Variants in NAPEPLD observed in about 807,000 individuals in gnomAD.
NAPEPLD encodes N-acyl-phosphatidylethanolamine-hydrolyzing phospholipase D.
Under a neutral mutation model 38.1 loss-of-function variants are expected in NAPEPLD, and 23 were observed. The observed-to-expected ratio is 0.60, with a 90% CI of 0.43 to 0.86. The LOEUF (loss-of-function observed/expected upper bound fraction) is 0.86, where lower values mean the gene tolerates loss of function less well. Ranked by LOEUF, NAPEPLD falls within the 40% of genes least tolerant of loss-of-function variation. NAPEPLD has a pLI of 0.00. For missense variants in NAPEPLD, 411 were observed against 476.8 expected, an observed-to-expected ratio of 0.86 and a Z score of 1.28; for synonymous variants, 147 against 162.0, an observed-to-expected ratio of 0.91 and a Z score of 0.71.
chr7:103,119,865 C>T lies in NAPEPLD; in HGVS notation c.653G>A (p.Trp218Ter). ...ATTCTCACAGCCACATTTTTGCATC[C>T]AGTCAAGGAGACCCAAAGGCACAAA... ...RWFVPLGLLD[W>*]MQKCGCENVI... The change falls in exon 3 of 5, where the codon TGG becomes TAG. Residue 218 changes from tryptophan (W) to a stop codon, truncating the protein, a stop_gained. Transcript: ENST00000465647. LOFTEE classifies it high-confidence loss of function. The T allele has an allele frequency of 6.2e-7, 1 of 1,614,154 alleles. No homozygotes were observed. Among genetic ancestry groups the T allele is most frequent in the South Asian group, 1.1e-5 (1 of 91,078 alleles).
At chr7:103,113,601 C>CT (rs1804963315) in intron 4 of NAPEPLD, among the ~76,000 whole-genome samples, 6 of 126,488 alleles carry the variant, frequency 4.7e-5, no homozygotes, top group African/African-American at 8.6e-5. Flanking sequence ...CAGAGTCTCA[C>CT]TTTTTTTTTT....
chr7:103,131,912 G>A (rs562181857), intron 1 of NAPEPLD, among the ~76,000 whole-genome samples: 21 of 151,988 alleles, frequency 1.4e-4, no homozygotes, highest in Non-Finnish European at 2.1e-4. Flanking sequence ...TCAGGAGTTC[G>A]AGACTAGCCT....
At chr7:103,104,927 A>G (rs1366959099) in intron 4 of NAPEPLD, among the ~76,000 whole-genome samples, 3 of 152,172 alleles carry the variant, frequency 2.0e-5, no homozygotes, top group Non-Finnish European at 4.4e-5. Flanking sequence ...GTACACACTC[A>G]CAGAATCACC....
intron 1 of NAPEPLD, among the ~76,000 whole-genome samples, chr7:103,133,686 A>G (rs1473832610): frequency 6.6e-6 from 1 of 152,206 alleles, no homozygotes; most frequent in Non-Finnish European, 1.5e-5. Flanking sequence ...ACCCCTTAAC[A>G]TATCTAGCTA....
chr7:103,111,619 T>C (rs1585833986), intron 4 of NAPEPLD, among the ~76,000 whole-genome samples: 1 of 152,178 alleles, frequency 6.6e-6, no homozygotes, highest in African/African-American at 2.4e-5. Context: ...TCAAGATGGA[T>C]TAAAGACTTA....
intron 1 of NAPEPLD, among the ~76,000 whole-genome samples, chr7:103,143,445 A>T (rs1200352166): frequency 6.6e-6 from 1 of 152,128 alleles, no homozygotes; most frequent in Non-Finnish European, 1.5e-5. Flanking sequence ...TAGGGTAACT[A>T]TGCATCAGCT....
chr7:103,133,244 C>T lies in NAPEPLD; in HGVS notation c.-16-4452G>A, dbSNP rs538733224. 3.9e-5 allele frequency among the ~76,000 whole-genome samples: 6 copies of T among 152,242 alleles called. 1 individual carries two copies. The South Asian group carries it at 1.0e-3, about 26-fold the overall frequency. On this transcript the variant is annotated intron_variant, in intron 1 of 4. Coordinates refer to ENST00000465647, the MANE Select transcript of NAPEPLD (RefSeq NM_001122838.3). ...CCCACTTCAGGGCGACCAACTGCCA[C>T]GTTGTCATATCCTTGGGGTATGGGG...
At chr7:103,130,747 C>T (rs1260962906) in intron 1 of NAPEPLD, among the ~76,000 whole-genome samples, 1 of 152,120 alleles carries the variant, frequency 6.6e-6, no homozygotes, top group Admixed American at 6.5e-5. Context: ...AGGTGTGTGC[C>T]ACCATGCCTG....
intron 1 of NAPEPLD, chr7:103,148,144 T>A: frequency 1.0e-6 from 1 of 958,452 alleles, no homozygotes; most frequent in Non-Finnish European, 1.2e-6. Flanking sequence ...TTCCATTTTT[T>A]AACAAACATG....
At chr7:103,113,986 C>A (rs1486087666) in intron 4 of NAPEPLD, among the ~76,000 whole-genome samples, 1 of 150,884 alleles carries the variant, frequency 6.6e-6, no homozygotes, top group East Asian at 2.0e-4. Context: ...GCAACCTCTA[C>A]TTCCTGGGTT....
chr7:103,141,816 G>A (rs999331456), intron 1 of NAPEPLD: 14 of 915,438 alleles, frequency 1.5e-5, no homozygotes, highest in Middle Eastern at 2.1e-4. Flanking sequence ...ATCAGCTTCC[G>A]GATCTGCTGA....
chr7:103,119,041 G>A (rs187573517), intron 3 of NAPEPLD, among the ~76,000 whole-genome samples: 1 of 152,336 alleles, frequency 6.6e-6, no homozygotes, highest in East Asian at 1.9e-4. Flanking sequence ...GGGCACTCAA[G>A]TTATGGAGCA....
chr7:103,129,375 A>C (rs1808475376), intron 1 of NAPEPLD: 2 of 959,344 alleles, frequency 2.1e-6, no homozygotes, highest in African/African-American at 3.5e-5. Context: ...AAGCATATTA[A>C]ATTTTCCATT....
chr7:103,115,669 C>A (rs569425482), intron 3 of NAPEPLD, among the ~76,000 whole-genome samples: 1 of 152,122 alleles, frequency 6.6e-6, no homozygotes, highest in Non-Finnish European at 1.5e-5. Context: ...TATAATTCAA[C>A]GGCAAGCCAG....
intron 4 of NAPEPLD, among the ~76,000 whole-genome samples, chr7:103,110,778 G>C (rs1465694155): frequency 6.6e-6 from 1 of 152,138 alleles, no homozygotes; most frequent in Non-Finnish European, 1.5e-5. Context: ...AGGAAAAGAG[G>C]AAGTCAGATT....
At chr7:103,142,875 C>A (rs1811727444) in intron 1 of NAPEPLD, among the ~76,000 whole-genome samples, 1 of 151,916 alleles carries the variant, frequency 6.6e-6, no homozygotes, top group Admixed American at 6.6e-5. Context: ...CAAAAATGAC[C>A]AGAAGACAGA....
Position 103,128,490 on chromosome 7 carries a change from G to C in NAPEPLD, c.287C>G (p.Ser96Cys). ...AAAAAAGCCAAGCGCTACCTCTTTA[G>C]AACTTGGAACACTGCTGTGATCTTT... ...MEKDHSSVPS[S>C]KEELDKELPV... The change falls in exon 2 of 5, where the codon TCT (serine) becomes TGT (cysteine). Residue 96 changes from serine (S) to cysteine (C), a missense_variant. Transcript: ENST00000465647. The C allele has an allele frequency of 6.2e-7, 1 of 1,614,100 alleles. No individual in the cohort carries two copies. Among genetic ancestry groups the C allele is most frequent in the Non-Finnish European group, 8.5e-7 (1 of 1,180,016 alleles).
chr7:103,125,158 G>A (rs1448005447), intron 2 of NAPEPLD, among the ~76,000 whole-genome samples: 1 of 152,082 alleles, frequency 6.6e-6, no homozygotes, highest in Non-Finnish European at 1.5e-5. Flanking sequence ...ACTGTAATCT[G>A]CAACTCAGAT....
intron 1 of NAPEPLD, among the ~76,000 whole-genome samples, chr7:103,146,237 C>G (rs116596559): frequency 0.058 from 8,800 of 151,996 alleles, 364 homozygotes; most frequent in African/African-American, 0.11. Flanking sequence ...TCCAACTTCT[C>G]AGGAGGCTGA....
Sources: allele counts gnomAD v4.1 joint callset (sites outside exome capture counted in the v4.1 genomes callset), GRCh38; gene constraint gnomAD v4.1.1; transcripts MANE v1.5; gene names NCBI Gene and HGNC (gene_info 2026-07-23, HGNC 2026-07-21).